The following CREB5 variants were observed in gnomAD, a reference collection of about 807,000 sequenced individuals.
CREB5 encodes cAMP responsive element binding protein 5, also known as cyclic AMP-responsive element-binding protein 5.
Under a neutral mutation model 57.1 loss-of-function variants are expected in CREB5, and 19 were observed. The observed-to-expected ratio is 0.33, with a 90% CI of 0.23 to 0.49. The LOEUF (loss-of-function observed/expected upper bound fraction) is 0.49. Ranked by LOEUF, CREB5 falls within the 20% of genes least tolerant of loss-of-function variation. CREB5 has a pLI of 0.99. For synonymous variants in CREB5, 238 were observed against 238.3 expected, an observed-to-expected ratio of 1.00 and a Z score of 0.01; for missense variants, 579 against 671.6, an observed-to-expected ratio of 0.86 and a Z score of 1.52.
intron 5 of CREB5, among the ~76,000 whole-genome samples, chr7:28,648,947 G>T (rs909091305): frequency 1.3e-5 from 2 of 152,092 alleles, no homozygotes; most frequent in African/African-American, 4.8e-5. Flanking sequence ...TACCAATAAA[G>T]GTTTTGTGCT....
Position 28,762,756 on chromosome 7 carries a change from G to A in CREB5, c.702+38424G>A, listed in dbSNP as rs113467423. Among the ~76,000 whole-genome samples the A allele has an allele frequency of 9.1e-3, 1,372 of 150,434 alleles. 21 individuals carry two copies. Among genetic ancestry groups the A allele is most frequent in the South Asian group, 0.06 (285 of 4,770 alleles). On this transcript the variant is annotated intron_variant, in intron 7 of 10. Transcript: ENST00000357727. ...TTTTTTTCTTTTTCTTTTTTTTGAG[G>A]CTGTCAGATGACCTCGATACAATAT... is the stretch of plus-strand genomic sequence containing the variant.
At chr7:28,724,590 G>A (rs1472152439) in intron 7 of CREB5, 3 of 430,732 alleles carry the variant, frequency 7.0e-6, no homozygotes, top group Non-Finnish European at 1.3e-5. Context: ...ATCCATACAA[G>A]TTGGGGTAGG....
chr7:28,546,332 G>T (rs79837479), intron 4 of CREB5, among the ~76,000 whole-genome samples: 1 of 152,142 alleles, frequency 6.6e-6, no homozygotes, highest in African/African-American at 2.4e-5. Context: ...TGGTTATTAT[G>T]AATAATGCTG....
intron 5 of CREB5, among the ~76,000 whole-genome samples, chr7:28,716,507 C>T (rs140679372): frequency 1.3e-5 from 2 of 152,218 alleles, no homozygotes; most frequent in East Asian, 1.9e-4. Flanking sequence ...GATATATAGA[C>T]GGATGGATAG....
At chr7:28,411,954 G>GA (rs74631431), upstream of CREB5, among the ~76,000 whole-genome samples, 18,690 of 151,792 alleles carry the variant, frequency 0.12, 3,352 homozygotes, top group African/African-American at 0.39. Context: ...AGACTTAAAG[G>GA]AAAAAAAATG....
Position 28,574,814 on chromosome 7 carries a change from T to C in CREB5, c.464+4277T>C, listed in dbSNP as rs190125543. ...AGAAATATGTTCAACAGAATGCATA[T>C]ATGAAGACATTTACGTAAAAAAACC... On this transcript the variant is annotated intron_variant, in intron 5 of 10. Transcript: ENST00000357727. Among the ~76,000 whole-genome samples the C allele has an allele frequency of 2.2e-4, 34 of 152,322 alleles. 1 individual carries two copies. In the East Asian group the frequency reaches 6.0e-3, roughly 27 times the overall value.
chr7:28,384,196 G>A (rs1004286380), intron 1 of CREB5, among the ~76,000 whole-genome samples: 4 of 152,154 alleles, frequency 2.6e-5, no homozygotes, highest in African/African-American at 9.7e-5. Flanking sequence ...GCCAAAGGAC[G>A]AGCGTCTGTA....
At chr7:28,732,735 T>G (rs1803725287) in intron 7 of CREB5, among the ~76,000 whole-genome samples, 2 of 151,696 alleles carry the variant, frequency 1.3e-5, no homozygotes, top group East Asian at 1.9e-4. Context: ...TTTTTTTTTT[T>G]TGTGGGAAGC....
intron 1 of CREB5, among the ~76,000 whole-genome samples, chr7:28,377,666 C>A (rs1218847157): frequency 2.0e-5 from 3 of 151,862 alleles, no homozygotes. Context: ...GCTTTTCAGT[C>A]TCTACATTGA....
At chr7:28,519,391 G>T (rs1193156643) in intron 4 of CREB5, among the ~76,000 whole-genome samples, 1 of 152,166 alleles carries the variant, frequency 6.6e-6, no homozygotes, top group Non-Finnish European at 1.5e-5. Flanking sequence ...TACCTAAATT[G>T]CTTATAATGT....
chr7:28,641,477 G>A (rs1468424651), intron 5 of CREB5, among the ~76,000 whole-genome samples: 2 of 152,166 alleles, frequency 1.3e-5, no homozygotes, highest in Admixed American at 6.5e-5. Flanking sequence ...CAACTTTGTG[G>A]TGAGCTAAAC....
At chr7:28,500,619 A>C (rs747852255) in intron 3 of CREB5, among the ~76,000 whole-genome samples, 34 of 152,202 alleles carry the variant, frequency 2.2e-4, no homozygotes, top group Non-Finnish European at 4.3e-4. Context: ...AAAGTAATTC[A>C]GGGAAGTAAA....
chr7:28,520,233 C>T (rs2128615144), intron 4 of CREB5, among the ~76,000 whole-genome samples: 1 of 152,312 alleles, frequency 6.6e-6, no homozygotes, highest in East Asian at 1.9e-4. Flanking sequence ...TTTTAAACAT[C>T]AGTTTATAAC....
intron 5 of CREB5, among the ~76,000 whole-genome samples, chr7:28,660,204 G>GT (rs910615661): frequency 7.2e-5 from 11 of 152,092 alleles, no homozygotes; most frequent in African/African-American, 2.7e-4. Context: ...TTCTATAAGT[G>GT]TTTTTTATGA....
chr7:28,462,294 A>G (rs1249517291), intron 1 of CREB5, among the ~76,000 whole-genome samples: 1 of 152,142 alleles, frequency 6.6e-6, no homozygotes, highest in Non-Finnish European at 1.5e-5. Context: ...TGGTTATATC[A>G]TATTTTGTTT....
chr7:28,777,547 A>G (rs1483515084), intron 7 of CREB5, among the ~76,000 whole-genome samples: 1 of 152,230 alleles, frequency 6.6e-6, no homozygotes, highest in Non-Finnish European at 1.5e-5. Context: ...TAGCCTGTTC[A>G]TATTTGAATG....
At chr7:28,515,909 A>T (rs536875675) in intron 4 of CREB5, among the ~76,000 whole-genome samples, 16 of 150,984 alleles carry the variant, frequency 1.1e-4, no homozygotes, top group Non-Finnish European at 1.8e-4. Context: ...TTAAAGTAAA[A>T]ATATATATAT....
intron 1 of CREB5, among the ~76,000 whole-genome samples, chr7:28,478,173 T>G (rs1791160683): frequency 6.6e-6 from 1 of 152,088 alleles, no homozygotes; most frequent in South Asian, 2.1e-4. Context: ...TTTAAACATA[T>G]TTAATGATCC....
At chr7:28,703,438 G>T (rs568979949) in intron 5 of CREB5, among the ~76,000 whole-genome samples, 2 of 152,200 alleles carry the variant, frequency 1.3e-5, no homozygotes, top group South Asian at 4.2e-4. Context: ...TACTAGTCAG[G>T]GTTCTCCAGA....
Sources: gnomAD v4.1 joint callset for allele counts (sites outside exome capture counted in the v4.1 genomes callset) on GRCh38, gnomAD v4.1.1 for gene constraint, MANE v1.5 for transcripts, NCBI Gene and HGNC (gene_info 2026-07-23, HGNC 2026-07-21) for gene names.